PTPRD: variants seen among roughly 807,000 people sequenced by gnomAD.
PTPRD encodes receptor-type tyrosine-protein phosphatase delta.
PTPRD carries 34 observed loss-of-function variants against 214.5 expected under a neutral mutation model. The observed-to-expected ratio is 0.16, with a 90% CI of 0.12 to 0.21. PTPRD has a LOEUF of 0.21. Ranked by LOEUF, PTPRD falls within the 10% of genes least tolerant of loss-of-function variation. The pLI, the probability that PTPRD is intolerant of heterozygous loss-of-function variation, is 1.00. For missense variants in PTPRD, 2,545 were observed against 2,398.7 expected (o/e 1.06, Z -1.27); for synonymous variants, 1,128 against 845.7 (o/e 1.33, Z -5.79).
intron 7 of PTPRD, among the ~76,000 whole-genome samples, chr9:9,701,533 T>G (rs1419784727): frequency 6.6e-6 from 1 of 152,150 alleles, no homozygotes; most frequent in African/African-American, 2.4e-5. Flanking sequence ...TGTTGTATTT[T>G]GTATTTGGGA....
intron 3 of PTPRD, among the ~76,000 whole-genome samples, chr9:10,299,461 T>C (rs971247400): frequency 2.6e-5 from 4 of 152,192 alleles, no homozygotes; most frequent in African/African-American, 7.2e-5. Context: ...GTAGAATTTA[T>C]AATCCTTAGA....
intron 27 of PTPRD, among the ~76,000 whole-genome samples, chr9:8,487,397 G>A (rs1563753104): frequency 6.6e-6 from 1 of 152,064 alleles, no homozygotes; most frequent in Non-Finnish European, 1.5e-5. Context: ...AGACATTGAG[G>A]GATGATCATC....
intron 2 of PTPRD, among the ~76,000 whole-genome samples, chr9:10,458,426 A>T (rs1476361055): frequency 6.6e-6 from 1 of 152,190 alleles, no homozygotes; most frequent in Non-Finnish European, 1.5e-5. Flanking sequence ...ATGTTAACAG[A>T]CTGAAAGATA....
At chr9:9,038,343 A>G (rs1334381075) in intron 10 of PTPRD, among the ~76,000 whole-genome samples, 3 of 152,066 alleles carry the variant, frequency 2.0e-5, no homozygotes, top group Non-Finnish European at 4.4e-5. Context: ...CCTTCGTCTC[A>G]GATGTATTCA....
chr9:8,801,508 G>A (rs961554999), intron 11 of PTPRD, among the ~76,000 whole-genome samples: 1 of 152,120 alleles, frequency 6.6e-6, no homozygotes, highest in Non-Finnish European at 1.5e-5. Context: ...CCTGAGGTTG[G>A]GAGTTTGAGA....
intron 14 of PTPRD, among the ~76,000 whole-genome samples, chr9:8,545,364 C>T (rs1227740870): frequency 6.6e-6 from 1 of 152,154 alleles, no homozygotes; most frequent in Non-Finnish European, 1.5e-5. Flanking sequence ...GGTACCTGGA[C>T]TCCAGGATCC....
chr9:9,758,961 G>A (rs541563700), intron 6 of PTPRD, among the ~76,000 whole-genome samples: 2 of 152,162 alleles, frequency 1.3e-5, no homozygotes, highest in Non-Finnish European at 2.9e-5. Flanking sequence ...AAGGTAGCAA[G>A]TATGTTACCC....
intron 8 of PTPRD, among the ~76,000 whole-genome samples, chr9:9,423,325 T>A (rs2079546487): frequency 6.6e-6 from 1 of 152,074 alleles, no homozygotes; most frequent in Non-Finnish European, 1.5e-5. Flanking sequence ...GGGTTCTCTT[T>A]CTCTCCACTA....
At chr9:8,907,919 GA>G (rs1346450802) in intron 11 of PTPRD, among the ~76,000 whole-genome samples, 14 of 152,120 alleles carry the variant, frequency 9.2e-5, no homozygotes, top group African/African-American at 2.7e-4. Flanking sequence ...TTATGATTTT[GA>G]TGAAAACTAT....
intron 7 of PTPRD, among the ~76,000 whole-genome samples, chr9:9,578,088 T>C (rs1438493375): frequency 6.7e-6 from 1 of 149,414 alleles, no homozygotes; most frequent in Non-Finnish European, 1.5e-5. Flanking sequence ...CAGATATACT[T>C]CTCTCATTTG....
intron 7 of PTPRD, among the ~76,000 whole-genome samples, chr9:9,630,988 T>A (rs1420171201): frequency 6.6e-6 from 1 of 152,072 alleles, no homozygotes; most frequent in East Asian, 1.9e-4. Flanking sequence ...CCCTTTCATT[T>A]TCAATGCCTT....
chr9:9,761,505 G>A (rs1168044783), intron 6 of PTPRD, among the ~76,000 whole-genome samples: 3 of 152,090 alleles, frequency 2.0e-5, no homozygotes, highest in Admixed American at 6.5e-5. Context: ...AACTTACAAG[G>A]TGATAGCATT....
chr9:9,019,646 C>T (rs977879321), intron 10 of PTPRD, among the ~76,000 whole-genome samples: 3 of 152,154 alleles, frequency 2.0e-5, no homozygotes, highest in Non-Finnish European at 2.9e-5. Context: ...GCGGAGGTTG[C>T]GGTGAGCCAA....
At chr9:8,469,500 T>G (rs2096611363) in intron 31 of PTPRD, among the ~76,000 whole-genome samples, 1 of 152,036 alleles carries the variant, frequency 6.6e-6, no homozygotes, top group African/African-American at 2.4e-5. Flanking sequence ...GAGAACCAAT[T>G]AAAATAGTAA....
At chr9:9,205,502 G>C (rs1385524823) in intron 9 of PTPRD, among the ~76,000 whole-genome samples, 5 of 152,140 alleles carry the variant, frequency 3.3e-5, no homozygotes, top group Non-Finnish European at 2.9e-5. Flanking sequence ...AACCATAAAA[G>C]TATGCCAAAA....
In PTPRD at chr9:10,058,135, A is replaced by C. The variant is rs567515351; in HGVS notation, c.-544-24345T>G. Reference sequence around the variant, plus strand: ...ACTCAACACCCTTTCTCTCCTGTGAAGGTATCTCTTTTCCATTACCTTCGT... The same window carrying C: ...ACTCAACACCCTTTCTCTCCTGTGACGGTATCTCTTTTCCATTACCTTCGT... On this transcript the variant is annotated intron_variant, in intron 3 of 45. Coordinates refer to ENST00000381196, the MANE Select transcript of PTPRD (RefSeq NM_002839.4). Among the ~76,000 whole-genome samples the C allele has an allele frequency of 1.4e-4, 21 of 152,148 alleles. No individual in the cohort carries two copies. The South Asian group carries it at 4.4e-3, about 32-fold the overall frequency.
chr9:9,454,325 A>G (rs932995062), intron 8 of PTPRD, among the ~76,000 whole-genome samples: 4 of 151,800 alleles, frequency 2.6e-5, no homozygotes, highest in Admixed American at 6.6e-5. Flanking sequence ...ATCTATGGAC[A>G]TGGAATTGGG....
intron 14 of PTPRD, among the ~76,000 whole-genome samples, chr9:8,578,519 C>A (rs1476282225): frequency 1.3e-5 from 2 of 152,124 alleles, no homozygotes; most frequent in Non-Finnish European, 2.9e-5. Context: ...GAAAAATTCT[C>A]TAGGCTGTCA....
chr9:10,012,682 T>C (rs2154108097), intron 4 of PTPRD, among the ~76,000 whole-genome samples: 1 of 152,074 alleles, frequency 6.6e-6, no homozygotes, highest in East Asian at 1.9e-4. Context: ...TGTAAGGTTT[T>C]ACACCTATCA....
Sources: allele counts gnomAD v4.1 joint callset (sites outside exome capture counted in the v4.1 genomes callset), GRCh38; gene constraint gnomAD v4.1.1; transcripts MANE v1.5; gene names NCBI Gene and HGNC (gene_info 2026-07-23, HGNC 2026-07-21).